TTLL13: variants seen among roughly 807,000 people sequenced by gnomAD.
TTLL13 encodes tubulin tyrosine ligase like 13, also known as tubulin polyglutamylase TTLL13.
the TTLL13 span, chr15:90,253,496 C>T: frequency 1.9e-6 from 1 of 528,722 alleles, no homozygotes; most frequent in Admixed American, 3.3e-5. Flanking sequence ...GAAAGACCAC[C>T]CCCAGGGTCT....
chr15:90,263,286 C>A, the TTLL13 span: 1 of 730,080 alleles, frequency 1.4e-6, no homozygotes, highest in Non-Finnish European at 2.2e-6. Flanking sequence ...CTAGCTGGAC[C>A]TTGGGAGAGG....
the TTLL13 span, chr15:90,257,228 G>C: frequency 1.2e-6 from 2 of 1,613,926 alleles, no homozygotes; most frequent in Non-Finnish European, 1.7e-6. Context: ...ATATGAGGAG[G>C]GCCTAGCCCG....
At chr15:90,261,326 G>A in the TTLL13 span, among the ~76,000 whole-genome samples, 2 of 149,686 alleles carry the variant, frequency 1.3e-5, no homozygotes, top group South Asian at 2.1e-4. Context: ...TGATCCACCC[G>A]CCTTGGCCTC....
the TTLL13 span, chr15:90,263,360 T>C: frequency 5.6e-6 from 3 of 531,158 alleles, no homozygotes; most frequent in South Asian, 8.4e-5. Context: ...ATCCAGCAAG[T>C]TGCAGCTCCA....
the TTLL13 span, chr15:90,255,871 G>A: frequency 6.2e-7 from 1 of 1,614,196 alleles, no homozygotes; most frequent in African/African-American, 1.3e-5. Context: ...CCCGCACCTG[G>A]TGCCTCCCCG....
the TTLL13 span, among the ~76,000 whole-genome samples, chr15:90,261,516 A>C: frequency 2.0e-5 from 3 of 151,880 alleles, no homozygotes; most frequent in Non-Finnish European, 4.4e-5. Context: ...AATCAGGCCG[A>C]GTACGGTGGC....
At chr15:90,256,412 C>A in the TTLL13 span, 1 of 1,319,814 alleles carries the variant, frequency 7.6e-7, no homozygotes, top group Non-Finnish European at 1.1e-6. Context: ...CCCACTAGCC[C>A]CGTTTTCCTG....
At chr15:90,251,072 C>A in the TTLL13 span, among the ~76,000 whole-genome samples, 1 of 150,590 alleles carries the variant, frequency 6.6e-6, no homozygotes, top group Non-Finnish European at 1.5e-5. Context: ...TTTAGGCTGG[C>A]TCATTTTGGA....
chr15:90,257,524 G>C, the TTLL13 span: 15 of 1,071,540 alleles, frequency 1.4e-5, no homozygotes, highest in Non-Finnish European at 2.0e-5. Context: ...CTGGTGGAGA[G>C]AGACAGGAGA....
the TTLL13 span, chr15:90,264,608 G>A: frequency 1.6e-6 from 2 of 1,244,382 alleles, no homozygotes; most frequent in Non-Finnish European, 2.2e-6. Context: ...GACAGTGGAG[G>A]GAAGCATGAG....
the TTLL13 span, among the ~76,000 whole-genome samples, chr15:90,256,614 C>CT: frequency 9.8e-3 from 422 of 42,852 alleles, 8 homozygotes; most frequent in African/African-American, 0.033. Context: ...TCTTTCCTTC[C>CT]TTCCTTCCTT....
the TTLL13 span, among the ~76,000 whole-genome samples, chr15:90,256,545 T>TTTTCTTTCTTTCTTTCTTTCTTTCTTTCC: frequency 9.5e-6 from 1 of 105,392 alleles, no homozygotes; most frequent in African/African-American, 3.2e-5. Flanking sequence ...TCTCCTTCCT[T>TTTTCTTTCTTTCTTTCTTTCTTTCTTTCC]TTTCTTTCTT....
the TTLL13 span, chr15:90,263,891 G>A: frequency 4.3e-6 from 5 of 1,163,438 alleles, no homozygotes; most frequent in Admixed American, 7.9e-5. Flanking sequence ...AGGATCTTAG[G>A]GGCACTGCCA....
At chr15:90,259,796 C>T in the TTLL13 span, among the ~76,000 whole-genome samples, 3 of 152,326 alleles carry the variant, frequency 2.0e-5, no homozygotes, top group Admixed American at 1.3e-4. Context: ...CGTTTACATC[C>T]GTGTTGGTCA....
the TTLL13 span, among the ~76,000 whole-genome samples, chr15:90,257,484 T>G: frequency 1.3e-5 from 2 of 152,108 alleles, no homozygotes; most frequent in Admixed American, 6.6e-5. Flanking sequence ...GCACACACTC[T>G]TCCCCAGGAT....
chr15:90,260,099 C>T, the TTLL13 span, among the ~76,000 whole-genome samples: 13 of 152,262 alleles, frequency 8.5e-5, no homozygotes, highest in East Asian at 2.3e-3. Context: ...GACTGTGTAC[C>T]TGAGGGTCAT....
chr15:90,256,864 T>G, the TTLL13 span, among the ~76,000 whole-genome samples: 1 of 151,762 alleles, frequency 6.6e-6, no homozygotes, highest in African/African-American at 2.4e-5. Flanking sequence ...ACTTTTGTAT[T>G]TTTAGTAGAG....
the TTLL13 span, chr15:90,257,282 G>T: frequency 1.9e-6 from 3 of 1,610,578 alleles, no homozygotes; most frequent in Admixed American, 1.7e-5. Flanking sequence ...TAACAACCTG[G>T]TAAGGGGACT....
At chr15:90,265,136 C>T in the TTLL13 span, 3 of 1,230,724 alleles carry the variant, frequency 2.4e-6, no homozygotes, top group East Asian at 2.6e-5. Flanking sequence ...TTCCTCAATA[C>T]CCTAAGATTA....
Sources: gnomAD v4.1 joint callset for allele counts (sites outside exome capture counted in the v4.1 genomes callset) on GRCh38, gnomAD v4.1.1 for gene constraint, MANE v1.5 for transcripts, NCBI Gene and HGNC (gene_info 2026-07-23, HGNC 2026-07-21) for gene names.